The following C12orf42 variants were observed in gnomAD, a reference collection of about 807,000 sequenced individuals.
C12orf42 encodes chromosome 12 open reading frame 42.
In C12orf42, 25 loss-of-function variants were observed where a neutral mutation model predicts 21.6. That is an observed-to-expected ratio of 1.16 (90% confidence interval 0.84 to 1.62). The LOEUF (loss-of-function observed/expected upper bound fraction) is 1.62, where lower values mean the gene tolerates loss of function less well. Among genes scored for constraint, C12orf42 ranks in the 40% most tolerant of loss-of-function variants. The probability of loss-of-function intolerance (pLI) is 0.00; values close to 1 mark genes in which losing one functional copy is unlikely to be tolerated. For synonymous variants in C12orf42, 174 were observed against 175.0 expected (o/e 0.99, Z 0.05); for missense variants, 483 against 459.3 (o/e 1.05, Z -0.47).
At chr12:103,490,755 GTATC>G (rs1250731020) in intron 1 of C12orf42, among the ~76,000 whole-genome samples, 3 of 151,664 alleles carry the variant, frequency 2.0e-5, no homozygotes, top group African/African-American at 4.8e-5. Flanking sequence ...TGTTAAATAA[GTATC>G]TATCTCTTTC....
At chr12:103,514,338 G>A in the C12orf42 span, among the ~76,000 whole-genome samples, 4 of 152,204 alleles carry the variant, frequency 2.6e-5, no homozygotes, top group Non-Finnish European at 5.9e-5. Flanking sequence ...TGACAGGGGA[G>A]ACCTCTCTGA....
chr12:103,167,163 C>T, the C12orf42 span, among the ~76,000 whole-genome samples: 1 of 152,082 alleles, frequency 6.6e-6, no homozygotes, highest in African/African-American at 2.4e-5. Flanking sequence ...CTAGATCCTC[C>T]CAGGTGTATG....
At chr12:103,539,579 ATT>A in the C12orf42 span, among the ~76,000 whole-genome samples, 174 of 146,162 alleles carry the variant, frequency 1.2e-3, no homozygotes, top group African/African-American at 4.0e-3. Flanking sequence ...TGTAAGTTTA[ATT>A]TTTTTTTTTT....
chr12:103,179,209 A>G, the C12orf42 span, among the ~76,000 whole-genome samples: 2 of 152,210 alleles, frequency 1.3e-5, no homozygotes, highest in Non-Finnish European at 2.9e-5. Flanking sequence ...ACTCTGCTAG[A>G]TTCTGGAGAT....
chr12:103,163,849 G>A, the C12orf42 span, among the ~76,000 whole-genome samples: 2 of 152,140 alleles, frequency 1.3e-5, no homozygotes, highest in African/African-American at 4.8e-5. Flanking sequence ...TAGGGTCATG[G>A]AGAGGATTAA....
the C12orf42 span, among the ~76,000 whole-genome samples, chr12:103,137,652 A>C: frequency 6.6e-6 from 1 of 152,260 alleles, no homozygotes; most frequent in Non-Finnish European, 1.5e-5. Flanking sequence ...ACGGATAAAG[A>C]AAATGTGGTA....
chr12:103,196,541 G>A, the C12orf42 span, among the ~76,000 whole-genome samples: 1 of 152,114 alleles, frequency 6.6e-6, no homozygotes, highest in Non-Finnish European at 1.5e-5. Context: ...GGATATTGAA[G>A]TCTGCCACTC....
the C12orf42 span, among the ~76,000 whole-genome samples, chr12:103,526,949 T>C: frequency 4.6e-5 from 7 of 152,164 alleles, no homozygotes; most frequent in Non-Finnish European, 5.9e-5. Context: ...AACCAAAACT[T>C]GTGCTTTCTT....
At chr12:103,123,833 A>G in the C12orf42 span, among the ~76,000 whole-genome samples, 1 of 151,902 alleles carries the variant, frequency 6.6e-6, no homozygotes, top group Non-Finnish European at 1.5e-5. Flanking sequence ...AAGATTAACC[A>G]TCAGAGATTT....
At chr12:103,083,374 C>T in the C12orf42 span, among the ~76,000 whole-genome samples, 1 of 151,872 alleles carries the variant, frequency 6.6e-6, no homozygotes, top group African/African-American at 2.4e-5. Context: ...AAAACAAAAA[C>T]AAAAAATACA....
intron 3 of C12orf42, chr12:103,378,729 A>G (rs1409846032): frequency 6.6e-6 from 1 of 152,226 alleles, no homozygotes; most frequent in Non-Finnish European, 1.5e-5. Context: ...TCCTGCCTCT[A>G]CCATTTACTG....
chr12:103,165,178 A>G, the C12orf42 span, among the ~76,000 whole-genome samples: 608 of 152,336 alleles, frequency 4.0e-3, 7 homozygotes, highest in African/African-American at 0.014. Context: ...GAATCAACCA[A>G]TGGACAATGA....
the C12orf42 span, among the ~76,000 whole-genome samples, chr12:103,107,535 A>C: frequency 1.3e-5 from 2 of 151,974 alleles, no homozygotes; most frequent in African/African-American, 4.8e-5. Flanking sequence ...AAAATGTGTT[A>C]TTGAAGTTAC....
chr12:103,153,764 A>C, the C12orf42 span, among the ~76,000 whole-genome samples: 19 of 152,082 alleles, frequency 1.2e-4, no homozygotes, highest in East Asian at 9.6e-4. Context: ...TATAATATCT[A>C]AATATCTGCA....
chr12:103,450,933 C>G (rs1487038298), intron 2 of C12orf42, among the ~76,000 whole-genome samples: 1 of 152,112 alleles, frequency 6.6e-6, no homozygotes, highest in Non-Finnish European at 1.5e-5. Context: ...TTTTTTCATA[C>G]AACTCACTTA....
chr12:103,195,137 T>A, the C12orf42 span, among the ~76,000 whole-genome samples: 8 of 152,230 alleles, frequency 5.3e-5, no homozygotes, highest in African/African-American at 1.9e-4. Flanking sequence ...TTTGCTTTTT[T>A]ATGGCTGTGT....
At chr12:103,095,074 C>G in the C12orf42 span, among the ~76,000 whole-genome samples, 46 of 152,272 alleles carry the variant, frequency 3.0e-4, no homozygotes, top group Non-Finnish European at 4.4e-4. Context: ...GCCAGCGTTT[C>G]TTACCACCTC....
the C12orf42 span, among the ~76,000 whole-genome samples, chr12:103,513,001 C>CAA: frequency 1.6e-5 from 2 of 123,932 alleles, no homozygotes; most frequent in East Asian, 4.6e-4. Flanking sequence ...GACTCCATAT[C>CAA]AAAAAAAAAA....
chr12:103,367,604 ACT>A (rs2044726247), intron 4 of C12orf42, among the ~76,000 whole-genome samples: 1 of 151,910 alleles, frequency 6.6e-6, no homozygotes, highest in Non-Finnish European at 1.5e-5. Context: ...TCATAAACAC[ACT>A]TTTTTGCTTA....
Sources: gnomAD v4.1 joint callset for allele counts (sites outside exome capture counted in the v4.1 genomes callset) on GRCh38, gnomAD v4.1.1 for gene constraint, MANE v1.5 for transcripts, NCBI Gene and HGNC (gene_info 2026-07-23, HGNC 2026-07-21) for gene names.